The following MYO1E variants were observed in gnomAD, a reference collection of about 807,000 sequenced individuals.
MYO1E encodes myosin IE.
A neutral mutation model predicts 151.1 loss-of-function variants in MYO1E; 68 were observed. That is an observed-to-expected ratio of 0.45 (90% CI 0.37 to 0.55). The LOEUF (loss-of-function observed/expected upper bound fraction) is 0.55. Ranked by LOEUF, MYO1E falls within the 20% of genes least tolerant of loss-of-function variation. The pLI is 0.00. For synonymous variants in MYO1E, 601 were observed against 501.7 expected, an observed-to-expected ratio of 1.20 and a Z score of -2.64; for missense variants, 1,363 against 1,389.3, an observed-to-expected ratio of 0.98 and a Z score of 0.30.
At chr15:59,256,080 G>A (rs2080192318) in intron 4 of MYO1E, among the ~76,000 whole-genome samples, 1 of 152,190 alleles carries the variant, frequency 6.6e-6, no homozygotes, top group South Asian at 2.1e-4. Flanking sequence ...TCCCATGGAA[G>A]CTCAAAAGTT....
chr15:59,230,168 T>C (rs923805243), intron 6 of MYO1E, among the ~76,000 whole-genome samples: 3 of 151,790 alleles, frequency 2.0e-5, no homozygotes, highest in Admixed American at 1.3e-4. Context: ...TGGTTTTCAT[T>C]TACATTTCTC....
At chr15:59,173,979 C>T in intron 20 of MYO1E, 64 bp from the exon 21 acceptor site, 2 of 1,568,848 alleles carry the variant, frequency 1.3e-6, no homozygotes, top group South Asian at 1.1e-5. Flanking sequence ...GAGGAAAATA[C>T]TGTGGAAATA....
At chr15:59,202,436 C>T in intron 15 of MYO1E, 29 bp from the exon 16 acceptor site, 2 of 1,596,266 alleles carry the variant, frequency 1.3e-6, no homozygotes, top group Non-Finnish European at 1.7e-6. Flanking sequence ...AATGAATTAA[C>T]AATCTGTAAG....
At chr15:59,341,662 CA>C (rs1336921011) in intron 1 of MYO1E, among the ~76,000 whole-genome samples, 6 of 152,144 alleles carry the variant, frequency 3.9e-5, no homozygotes, top group African/African-American at 1.4e-4. Context: ...CATATTCTTG[CA>C]AATGACAAAT....
chr15:59,229,883 CAAG>C (rs1596376083), intron 6 of MYO1E, among the ~76,000 whole-genome samples: 2 of 151,334 alleles, frequency 1.3e-5, no homozygotes, highest in Admixed American at 1.3e-4. Context: ...TAAAAAAAAA[CAAG>C]AACATATTGT....
At chr15:59,248,708 A>G (rs2080145936) in intron 4 of MYO1E, among the ~76,000 whole-genome samples, 1 of 152,070 alleles carries the variant, frequency 6.6e-6, no homozygotes, top group Non-Finnish European at 1.5e-5. Flanking sequence ...AGGAAAGTAA[A>G]CAGCAGAGAT....
intron 1 of MYO1E, among the ~76,000 whole-genome samples, chr15:59,304,013 G>C (rs1269416477): frequency 1.5e-5 from 2 of 131,626 alleles, no homozygotes; most frequent in African/African-American, 5.7e-5. Context: ...AGGGAGTTTC[G>C]CTCTTGTCAC....
At chr15:59,337,176 G>A (rs548996520) in intron 1 of MYO1E, among the ~76,000 whole-genome samples, 305 of 152,266 alleles carry the variant, frequency 2.0e-3, no homozygotes, top group Non-Finnish European at 3.6e-3. Flanking sequence ...CCGTTTTACA[G>A]ATGTAAAAAT....
At chr15:59,169,501 T>G (rs1421796418) in intron 22 of MYO1E, among the ~76,000 whole-genome samples, 1 of 152,236 alleles carries the variant, frequency 6.6e-6, no homozygotes, top group African/African-American at 2.4e-5. Flanking sequence ...TTATTCATCT[T>G]GGCAAGTGTG....
In MYO1E at chr15:59,362,099, A is replaced by T. The variant is rs565447484; in HGVS notation, c.3+10399T>A. ...TGATCCACCCGCCTCGGCCTTCCAA[A>T]GTGCTAGGATTACAAGCATGAGCCA... On this transcript the variant is annotated intron_variant, in intron 1 of 27. Transcript: ENST00000288235. 3.9e-5 allele frequency among the ~76,000 whole-genome samples: 6 copies of T among 152,240 alleles called. No individual in the cohort carries two copies. In the East Asian group the frequency reaches 1.2e-3, roughly 29 times the overall value.
At chr15:59,195,382 C>T (rs1271188455) in intron 17 of MYO1E, 79 bp downstream of exon 17, 3 of 1,267,616 alleles carry the variant, frequency 2.4e-6, no homozygotes, top group Non-Finnish European at 3.5e-6. Flanking sequence ...GACACTGCTC[C>T]TGCCTGTGAT....
intron 4 of MYO1E, among the ~76,000 whole-genome samples, chr15:59,247,513 T>G (rs2080137387): frequency 6.6e-6 from 1 of 152,114 alleles, no homozygotes. Context: ...CAAAAAACAA[T>G]GCCAACAGAG....
intron 1 of MYO1E, among the ~76,000 whole-genome samples, chr15:59,364,057 C>T (rs538303284): frequency 6.6e-6 from 1 of 152,270 alleles, no homozygotes; most frequent in South Asian, 2.1e-4. Context: ...GGATAACAGG[C>T]CTGAGCCACC....
chr15:59,309,142 G>A (rs928168577), intron 1 of MYO1E, among the ~76,000 whole-genome samples: 3 of 152,008 alleles, frequency 2.0e-5, no homozygotes, highest in African/African-American at 7.2e-5. Flanking sequence ...AAAAAACCTG[G>A]AAGAAAGAAG....
At chr15:59,181,155 T>C (rs2079656194) in intron 18 of MYO1E, among the ~76,000 whole-genome samples, 1 of 152,186 alleles carries the variant, frequency 6.6e-6, no homozygotes, top group South Asian at 2.1e-4. Flanking sequence ...GGGCTTCCTA[T>C]TCCTCCTTCT....
intron 1 of MYO1E, among the ~76,000 whole-genome samples, chr15:59,358,342 G>T (rs1462545292): frequency 6.6e-6 from 1 of 152,144 alleles, no homozygotes; most frequent in East Asian, 1.9e-4. Flanking sequence ...CTTCTCAGCA[G>T]GTGCAAACTA....
At chr15:59,286,144 G>T (rs945206978) in intron 1 of MYO1E, among the ~76,000 whole-genome samples, 19 of 152,182 alleles carry the variant, frequency 1.2e-4, no homozygotes, top group Non-Finnish European at 2.2e-4. Context: ...CTGAGAAAAA[G>T]AACAGTATGC....
chr15:59,275,680 G>T (rs1355075923), intron 1 of MYO1E, among the ~76,000 whole-genome samples: 1 of 152,136 alleles, frequency 6.6e-6, no homozygotes, highest in Non-Finnish European at 1.5e-5. Context: ...ACCTGGAGGT[G>T]GGAGCAACTC....
Position 59,170,587 on chromosome 15 carries a change from T to TA in MYO1E, c.2480+1309dup, listed in dbSNP as rs202232871. Among the ~76,000 whole-genome samples, 388 of 143,678 alleles carry TA rather than the reference T, an allele frequency of 2.7e-3. 6 individuals are homozygous for TA. The highest frequency in any genetic ancestry group is 0.023 in the South Asian group (99 of 4,370). 94.3% of individuals were successfully genotyped at this position (143,678 alleles called of 152,430 possible). On this transcript the variant is annotated intron_variant, in intron 22 of 27. Transcript: ENST00000288235. ...GAAAATCAGTCAGCGCCTAGAGCTT[T>TA]AAAAAAAAAACAAAAAAAACAATAG...
Sources: gnomAD v4.1 joint callset for allele counts (sites outside exome capture counted in the v4.1 genomes callset) on GRCh38, gnomAD v4.1.1 for gene constraint, MANE v1.5 for transcripts, NCBI Gene and HGNC (gene_info 2026-07-23, HGNC 2026-07-21) for gene names.